Variants in EYS observed in about 807,000 individuals in gnomAD.
EYS encodes EGF-like photoreceptor maintenance factor, also known as protein eyes shut homolog.
In EYS, 250 loss-of-function variants were observed where a neutral mutation model predicts 282.1. The ratio of observed to expected loss-of-function variants is 0.89; its 90% CI spans 0.80 to 0.98. The LOEUF (loss-of-function observed/expected upper bound fraction) is 0.98. Among genes scored for constraint, EYS ranks in the 50% least tolerant of loss-of-function variants. The pLI is 0.00. For synonymous variants in EYS, 1,355 were observed against 1,282.9 expected (o/e 1.06, Z -1.20); for missense variants, 4,016 against 3,709.0 (o/e 1.08, Z -2.15).
intron 26 of EYS, among the ~76,000 whole-genome samples, chr6:64,504,106 A>T (rs144973232): frequency 2.0e-5 from 3 of 152,200 alleles, no homozygotes; most frequent in African/African-American, 4.8e-5. Flanking sequence ...GTAGTTCCCT[A>T]TAACAGTGTG....
At chr6:65,382,616 T>C (rs1434864012) in intron 8 of EYS, among the ~76,000 whole-genome samples, 1 of 151,874 alleles carries the variant, frequency 6.6e-6, no homozygotes, top group Non-Finnish European at 1.5e-5. Flanking sequence ...TAACTCATAC[T>C]ATCACAGGGT....
chr6:64,333,123 T>C (rs1311446371), intron 29 of EYS, among the ~76,000 whole-genome samples: 1 of 152,080 alleles, frequency 6.6e-6, no homozygotes, highest in Non-Finnish European at 1.5e-5. Context: ...ATAACCAGAC[T>C]AGTTACTCAG....
intron 12 of EYS, among the ~76,000 whole-genome samples, chr6:65,159,336 T>C (rs1226337864): frequency 6.6e-6 from 1 of 150,854 alleles, no homozygotes; most frequent in Non-Finnish European, 1.5e-5. Flanking sequence ...ATTCTAAACG[T>C]TAATGTAGAA....
chr6:64,364,803 T>G (rs1042604801), intron 29 of EYS, among the ~76,000 whole-genome samples: 3 of 151,948 alleles, frequency 2.0e-5, no homozygotes, highest in Non-Finnish European at 2.9e-5. Context: ...TTGTGTACAA[T>G]GTACACTATT....
At chr6:64,263,462 A>T (rs1442512997) in intron 30 of EYS, among the ~76,000 whole-genome samples, 1 of 151,994 alleles carries the variant, frequency 6.6e-6, no homozygotes, top group Non-Finnish European at 1.5e-5. Context: ...GCATTGTCCT[A>T]TTTAATAACT....
chr6:65,089,426 G>C (rs1440062959), intron 12 of EYS, among the ~76,000 whole-genome samples: 1 of 152,136 alleles, frequency 6.6e-6, no homozygotes, highest in Non-Finnish European at 1.5e-5. Context: ...GGAACTTAAA[G>C]GTTTAATGAC....
At chr6:65,696,612 C>A (rs1197529338) in intron 1 of EYS, among the ~76,000 whole-genome samples, 1 of 151,848 alleles carries the variant, frequency 6.6e-6, no homozygotes, top group Admixed American at 6.6e-5. Context: ...GATATGGAAA[C>A]CTCTTCAAAT....
intron 2 of EYS, among the ~76,000 whole-genome samples, chr6:65,540,101 G>A (rs1204804910): frequency 1.3e-5 from 2 of 152,192 alleles, no homozygotes; most frequent in Non-Finnish European, 2.9e-5. Flanking sequence ...TCTTATTTTA[G>A]TTTTTAACAG....
intron 29 of EYS, among the ~76,000 whole-genome samples, chr6:64,340,857 A>ATT (rs1446756815): frequency 6.6e-6 from 1 of 151,762 alleles, no homozygotes; most frequent in African/African-American, 2.4e-5. Context: ...AATAACTTAA[A>ATT]GAAATCAACA....
chr6:65,588,933 C>T (rs1158024491), intron 2 of EYS, among the ~76,000 whole-genome samples: 1 of 151,882 alleles, frequency 6.6e-6, no homozygotes, highest in African/African-American at 2.4e-5. Flanking sequence ...AAATCAATGA[C>T]TTTTATATTT....
At chr6:64,044,465 A>C (rs1461096994) in intron 33 of EYS, among the ~76,000 whole-genome samples, 1 of 152,236 alleles carries the variant, frequency 6.6e-6, no homozygotes, top group Non-Finnish European at 1.5e-5. Flanking sequence ...GGAGCACTTC[A>C]GGTGGAACGT....
At chr6:63,731,738 A>G (rs779914615) in intron 41 of EYS, among the ~76,000 whole-genome samples, 1 of 152,186 alleles carries the variant, frequency 6.6e-6, no homozygotes, top group African/African-American at 2.4e-5. Context: ...TTATGTTATA[A>G]GCAGATAGCT....
Position 65,170,375 on chromosome 6 carries a change from G to A in EYS, c.2024-112648C>T, listed in dbSNP as rs75337075. 1.3e-4 allele frequency among the ~76,000 whole-genome samples: 20 copies of A among 151,504 alleles called. No individual in the cohort carries two copies. In the East Asian group the frequency reaches 3.7e-3, roughly 28 times the overall value. On this transcript the variant is annotated intron_variant, in intron 12 of 42. Transcript: ENST00000503581. Reference sequence around the variant, plus strand: ...TAAAATGAACTGACATTTTTGAGGCGAATATATTATACTATAAACCATTTT... The same window carrying A: ...TAAAATGAACTGACATTTTTGAGGCAAATATATTATACTATAAACCATTTT...
rs79945794 is a variant in EYS, at chr6:64,306,760, T to A, written c.6191+210A>T. ...TATATTTTATATAGCACAAAAAAGA[T>A]ACCCTTTATAAGTAATGGTCCATCT... On this transcript the variant is annotated intron_variant, in intron 30 of 42. Coordinates refer to ENST00000503581, the MANE Select transcript of EYS (RefSeq NM_001142800.2). Among the ~76,000 whole-genome samples, 4,939 of 152,280 alleles carry A rather than the reference T, an allele frequency of 0.032. 185 individuals are homozygous for A. The highest frequency in any genetic ancestry group is 0.088 in the African/African-American group (3,654 of 41,552).
At chr6:65,252,005 CCTTT>C (rs1172078248) in intron 12 of EYS, among the ~76,000 whole-genome samples, 1 of 151,928 alleles carries the variant, frequency 6.6e-6, no homozygotes, top group African/African-American at 2.4e-5. Flanking sequence ...GGGGAACTTT[CCTTT>C]CTGTTTGCTA....
At chr6:63,822,736 T>G (rs1328658904) in intron 36 of EYS, 1 of 152,250 alleles carries the variant, frequency 6.6e-6, no homozygotes, top group East Asian at 1.9e-4. Flanking sequence ...GAGTATTGAT[T>G]ATTTTTATCT....
intron 12 of EYS, among the ~76,000 whole-genome samples, chr6:65,093,820 G>C (rs1774643537): frequency 6.6e-6 from 1 of 151,572 alleles, no homozygotes; most frequent in Non-Finnish European, 1.5e-5. Flanking sequence ...CTTCACAATT[G>C]AAATACATAG....
chr6:64,674,494 A>G (rs971701187), intron 22 of EYS, among the ~76,000 whole-genome samples: 2 of 152,090 alleles, frequency 1.3e-5, no homozygotes, highest in Non-Finnish European at 2.9e-5. Context: ...TGGCAACCCT[A>G]AGAGGCAGTT....
chr6:64,031,290 C>A (rs1409575812), intron 33 of EYS, among the ~76,000 whole-genome samples: 3 of 152,220 alleles, frequency 2.0e-5, no homozygotes, highest in Non-Finnish European at 2.9e-5. Context: ...CAGTGAGGGG[C>A]TTAGCACCTG....
Sources: allele counts gnomAD v4.1 joint callset (sites outside exome capture counted in the v4.1 genomes callset), GRCh38; gene constraint gnomAD v4.1.1; transcripts MANE v1.5; gene names NCBI Gene and HGNC (gene_info 2026-07-23, HGNC 2026-07-21).